Variants in CXXC5 observed in about 807,000 individuals in gnomAD.
CXXC5 encodes the protein CXXC-type zinc finger protein 5.
A neutral mutation model predicts 17.6 loss-of-function variants in CXXC5; 2 were observed. That is an observed-to-expected ratio of 0.11 (90% CI 0.05 to 0.36). CXXC5 has a LOEUF of 0.36. Ranked by LOEUF, CXXC5 falls within the 10% of genes least tolerant of loss-of-function variation. The pLI, the probability that CXXC5 is intolerant of heterozygous loss-of-function variation, is 1.00. For missense variants in CXXC5, 343 were observed against 458.3 expected (o/e 0.75, Z 2.30); for synonymous variants, 171 against 193.0 (o/e 0.89, Z 0.94).
At chr5:139,662,970 C>G (rs1428537303) in intron 1 of CXXC5, among the ~76,000 whole-genome samples, 1 of 152,218 alleles carries the variant, frequency 6.6e-6, no homozygotes, top group Non-Finnish European at 1.5e-5. Flanking sequence ...GCATGCCCCT[C>G]CACCTGCTCC....
At chr5:139,669,293 G>A (rs1236053715) in intron 1 of CXXC5, among the ~76,000 whole-genome samples, 1 of 152,168 alleles carries the variant, frequency 6.6e-6, no homozygotes, top group East Asian at 1.9e-4. Flanking sequence ...GCCAGTGCTC[G>A]GAATTGCTAA....
intron 1 of CXXC5, among the ~76,000 whole-genome samples, chr5:139,675,976 GGC>G (rs1756759960): frequency 6.6e-6 from 1 of 151,456 alleles, no homozygotes; most frequent in Non-Finnish European, 1.5e-5. Context: ...GGCACGGGGT[GGC>G]CTCCACTGCC....
intron 1 of CXXC5, among the ~76,000 whole-genome samples, chr5:139,665,369 G>A (rs979261103): frequency 2.0e-5 from 3 of 152,234 alleles, no homozygotes; most frequent in Admixed American, 2.0e-4. Context: ...TGGGGGCACC[G>A]GGATGAGCTG....
intron 1 of CXXC5, among the ~76,000 whole-genome samples, chr5:139,655,442 C>T (rs1171549595): frequency 3.3e-5 from 5 of 150,862 alleles, no homozygotes; most frequent in East Asian, 2.0e-4. Context: ...CACCCCCCGC[C>T]GCCCCCCTGG....
At chr5:139,649,834 C>G (rs1755069758) in intron 1 of CXXC5, 1 of 152,290 alleles carries the variant, frequency 6.6e-6, no homozygotes, top group South Asian at 2.1e-4. Context: ...GACCCCCCTC[C>G]CCTTCGCTTC....
chr5:139,672,914 CA>C (rs2126799449), intron 1 of CXXC5, among the ~76,000 whole-genome samples: 1 of 152,324 alleles, frequency 6.6e-6, no homozygotes, highest in Non-Finnish European at 1.5e-5. Flanking sequence ...AAACACACCC[CA>C]CACAGGAGCC....
chr5:139,666,853 C>G (rs1380669692), intron 1 of CXXC5, among the ~76,000 whole-genome samples: 1 of 152,070 alleles, frequency 6.6e-6, no homozygotes, highest in African/African-American at 2.4e-5. Flanking sequence ...GGCCTGAGGA[C>G]CAGTGGGTTT....
Position 139,682,719 on chromosome 5 carries a change from GT to G in CXXC5, c.925-143del. The G allele has an allele frequency of 6.3e-6, 5 of 788,574 alleles. No homozygotes were observed. In the South Asian group the frequency reaches 1.1e-4, roughly 17 times the overall value. 48.8% of individuals were successfully genotyped at this position (788,574 alleles called of 1,614,324 possible). ...AAGCGCCTCCTTTGGCCTGGCTGGGGTGGCAGGAGCTCCGAGGGGTGGCTGC... is the reference window on the plus strand; with the variant it reads ...AAGCGCCTCCTTTGGCCTGGCTGGGGGGCAGGAGCTCCGAGGGGTGGCTGC... On this transcript the variant is annotated intron_variant, in intron 2 of 2. Coordinates refer to ENST00000302517, the MANE Select transcript of CXXC5 (RefSeq NM_016463.9).
At chr5:139,665,208 T>C (rs1441160557) in intron 1 of CXXC5, among the ~76,000 whole-genome samples, 1 of 152,250 alleles carries the variant, frequency 6.6e-6, no homozygotes, top group Non-Finnish European at 1.5e-5. Context: ...CACTCTCCTC[T>C]CCCTCTCTGC....
chr5:139,650,247 C>A (rs903329474), intron 1 of CXXC5, among the ~76,000 whole-genome samples: 8 of 152,168 alleles, frequency 5.3e-5, no homozygotes, highest in African/African-American at 1.9e-4. Context: ...GCAACCGCGC[C>A]CTCCTTTGCC....
At chr5:139,680,293 A>G (rs1186090627) in intron 1 of CXXC5, 71 bp from the exon 2 acceptor site, 2 of 592,040 alleles carry the variant, frequency 3.4e-6, no homozygotes, top group African/African-American at 1.9e-5. Context: ...GACCGTTGAT[A>G]GTGGCGGTGG....
chr5:139,659,174 G>C (rs1755641351), intron 1 of CXXC5, among the ~76,000 whole-genome samples: 1 of 152,216 alleles, frequency 6.6e-6, no homozygotes, highest in Admixed American at 6.5e-5. Flanking sequence ...GCTGGGGCTA[G>C]TGGCAGATCG....
chr5:139,648,320 C>A (rs1177967358), upstream of CXXC5: 2 of 155,680 alleles, frequency 1.3e-5, no homozygotes, highest in South Asian at 3.4e-4. Flanking sequence ...GGGCAGCGTT[C>A]ATAGCTCCTG....
At chr5:139,657,881 G>GCCCT (rs1755571667) in intron 1 of CXXC5, among the ~76,000 whole-genome samples, 1 of 145,258 alleles carries the variant, frequency 6.9e-6, no homozygotes, top group Non-Finnish European at 1.5e-5. Flanking sequence ...CCTGACGCCC[G>GCCCT]CCCTCCCTCC....
chr5:139,662,749 A>C (rs1162404424), intron 1 of CXXC5, among the ~76,000 whole-genome samples: 1 of 151,946 alleles, frequency 6.6e-6, no homozygotes, highest in Non-Finnish European at 1.5e-5. Flanking sequence ...CGTGCCGCGG[A>C]CTCTGGAGTT....
At position 139,650,372 on chromosome 5, in the gene CXXC5, G is replaced by A. The variant is rs912318324; in HGVS notation, c.-161+1527G>A. On this transcript the variant is annotated intron_variant, in intron 1 of 2. Coordinates refer to ENST00000302517, the MANE Select transcript of CXXC5 (RefSeq NM_016463.9). ...TTTCCTCGCGCGGCGGGCGCTGTTT[G>A]GAGCCCTTGGATTTGTGGTGGGCCC... is the stretch of plus-strand genomic sequence containing the variant. Among the ~76,000 whole-genome samples the A allele has an allele frequency of 5.9e-5, 9 of 152,318 alleles. No homozygotes were observed. The East Asian group carries it at 1.7e-3, about 29-fold the overall frequency.
Position 139,668,513 on chromosome 5 carries a change from G to C in CXXC5, c.-160-11851G>C, listed in dbSNP as rs944395271. Among the ~76,000 whole-genome samples the C allele has an allele frequency of 1.3e-5, 2 of 152,138 alleles. No homozygotes were observed. Among genetic ancestry groups the C allele is most frequent in the Admixed American group, 6.5e-5 (1 of 15,286 alleles). The stretch of plus-strand genomic sequence containing the variant: ...GGCCCGCTGCCCGCTCCAGGCCCGA[G>C]GTGATGGCGGCTGTTCCTGCCGTTC... On this transcript the variant is annotated intron_variant, in intron 1 of 2. Coordinates refer to ENST00000302517, the MANE Select transcript of CXXC5 (RefSeq NM_016463.9). This position sits in a 1 kb window ranked among gnomAD's most constrained non-coding sequence, Gnocchi z 4.1.
chr5:139,669,062 G>T (rs1185971075), intron 1 of CXXC5, among the ~76,000 whole-genome samples: 1 of 152,202 alleles, frequency 6.6e-6, no homozygotes, highest in African/African-American at 2.4e-5. Context: ...TGGCCAGCCT[G>T]CTCGCTGTGC....
Position 139,683,681 on chromosome 5 carries a change from T to C in CXXC5, c.*774T>C, listed in dbSNP as rs554860061. 3.3e-5 allele frequency: 5 copies of C among 152,740 alleles called. No homozygotes were observed. Among genetic ancestry groups the C allele is most frequent in the African/African-American group, 1.2e-4 (5 of 41,598 alleles). 9.5% of individuals were successfully genotyped at this position (152,740 alleles called of 1,614,324 possible). ...CTTTTCTTAGAGAAAATAAGTCCTT[T>C]TTTTCTGGCCTTGCTAATGGCAACA... On this transcript the variant is annotated 3_prime_UTR_variant, in exon 3 of 3. Transcript: ENST00000302517.
Sources: gnomAD v4.1 joint callset for allele counts (sites outside exome capture counted in the v4.1 genomes callset) on GRCh38, gnomAD v4.1.1 for gene constraint, Gnocchi (gnomAD v3.1) non-coding constraint, MANE v1.5 for transcripts, NCBI Gene and HGNC (gene_info 2026-07-23, HGNC 2026-07-21) for gene names.